TSPAN14: variants seen among roughly 807,000 people sequenced by gnomAD.
TSPAN14 encodes the protein tetraspanin 14.
TSPAN14 carries 16 observed loss-of-function variants against 36.6 expected under a neutral mutation model. The ratio of observed to expected loss-of-function variants is 0.44; its 90% CI spans 0.30 to 0.66. The LOEUF (loss-of-function observed/expected upper bound fraction) is 0.66, where lower values mean the gene tolerates loss of function less well. TSPAN14 is among the 30% of genes least tolerant of loss of function. The probability of loss-of-function intolerance (pLI) is 0.12; values close to 1 mark genes in which losing one functional copy is unlikely to be tolerated. For synonymous variants in TSPAN14, 139 were observed against 143.8 expected, an observed-to-expected ratio of 0.97 and a Z score of 0.24; for missense variants, 231 against 355.1, an observed-to-expected ratio of 0.65 and a Z score of 2.81.
chr10:80,467,100 TC>T (rs1353532174), intron 1 of TSPAN14, among the ~76,000 whole-genome samples: 7 of 152,234 alleles, frequency 4.6e-5, no homozygotes, highest in Admixed American at 3.9e-4. Context: ...TCTTTATATT[TC>T]GGTATCTTAT....
At chr10:80,512,401 C>G in intron 6 of TSPAN14, 132 bp downstream of exon 6, 1 of 1,294,818 alleles carries the variant, frequency 7.7e-7, no homozygotes, top group South Asian at 1.5e-5. Flanking sequence ...TCTCCACACC[C>G]TCCTCAAGGC....
intron 2 of TSPAN14, among the ~76,000 whole-genome samples, chr10:80,498,306 G>A (rs1447412156): frequency 6.6e-6 from 1 of 152,178 alleles, no homozygotes; most frequent in African/African-American, 2.4e-5. Flanking sequence ...GCCAGTGGGA[G>A]GTGCATGGGT....
At chr10:80,481,679 A>G (rs1254846452) in intron 1 of TSPAN14, among the ~76,000 whole-genome samples, 1 of 152,224 alleles carries the variant, frequency 6.6e-6, no homozygotes, top group Non-Finnish European at 1.5e-5. Flanking sequence ...ATTGTAATAC[A>G]AAATGGCGCG....
At chr10:80,481,470 G>T (rs779290474) in intron 1 of TSPAN14, among the ~76,000 whole-genome samples, 21 of 152,120 alleles carry the variant, frequency 1.4e-4, no homozygotes, top group Non-Finnish European at 2.8e-4. Flanking sequence ...TGCTCACTCT[G>T]ATAGCTCACA....
At chr10:80,486,565 T>G (rs1391655311) in intron 1 of TSPAN14, among the ~76,000 whole-genome samples, 1 of 152,098 alleles carries the variant, frequency 6.6e-6, no homozygotes, top group Non-Finnish European at 1.5e-5. Flanking sequence ...TTAAATGAGG[T>G]CAAAGGAGCA....
At chr10:80,505,079 G>A (rs576537208) in intron 3 of TSPAN14, among the ~76,000 whole-genome samples, 1 of 152,336 alleles carries the variant, frequency 6.6e-6, no homozygotes, top group African/African-American at 2.4e-5. Context: ...GACCCTGTCT[G>A]TGCCTCTGGG....
At position 80,521,851 on chromosome 10, in the gene TSPAN14, G is replaced by T. The variant is rs558748360; in HGVS notation, c.*3875G>T. On this transcript the variant is annotated 3_prime_UTR_variant, in exon 9 of 9. Coordinates refer to ENST00000429989, the Ensembl canonical transcript of TSPAN14. ...AGGCAGGGGAATGGTGTGAACCCAG[G>T]AGGCGGAGCTTGCAGTGAGCCGAGA... is the stretch of plus-strand genomic sequence containing the variant. The T allele has an allele frequency of 3.4e-5, 5 of 146,726 alleles. 1 individual carries two copies. The highest frequency in any genetic ancestry group is 2.0e-4 in the Admixed American group (3 of 14,812). The allele number at this position is 146,726 out of a possible 1,614,324, so 9.1% of individuals were successfully genotyped here. A position where few individuals can be genotyped will look rare whatever the true frequency, so the allele number is the denominator to read the frequency against.
chr10:80,489,176 C>T (rs377397063), intron 1 of TSPAN14, 41 bp from the exon 2 acceptor site: 91 of 1,377,060 alleles, frequency 6.6e-5, no homozygotes, highest in Non-Finnish European at 8.6e-5. Flanking sequence ...AAGGTTTTAA[C>T]GCTGAGCCTG....
At chr10:80,488,987 T>C (rs1847775473) in intron 1 of TSPAN14, among the ~76,000 whole-genome samples, 1 of 152,218 alleles carries the variant, frequency 6.6e-6, no homozygotes, top group African/African-American at 2.4e-5. Context: ...AAAAAGCATC[T>C]TTCTTCCTTT....
At position 80,476,662 on chromosome 10, in the gene TSPAN14, G is replaced by A. The variant is rs898097284; in HGVS notation, c.-17-12555G>A. ...GATATCCTGACCTCGTGATCTGCCC[G>A]CCTCGGCCTCCCAAAGTGCTGGGAT... On this transcript the variant is annotated intron_variant, in intron 1 of 8. Coordinates refer to ENST00000429989, the Ensembl canonical transcript of TSPAN14. 9.2e-5 allele frequency among the ~76,000 whole-genome samples: 14 copies of A among 152,044 alleles called. 1 individual carries two copies. In the South Asian group the frequency reaches 2.3e-3, roughly 25 times the overall value.
chr10:80,504,667 G>A (rs2343550), intron 2 of TSPAN14, 61 bp from the exon 3 acceptor site: 331,512 of 1,599,198 alleles, frequency 0.21, 36,730 homozygotes, highest in South Asian at 0.31. Context: ...GCTCTGTGAA[G>A]CATGTTCACA....
At chr10:80,501,270 A>G (rs60619720) in intron 2 of TSPAN14, among the ~76,000 whole-genome samples, 2,474 of 145,486 alleles carry the variant, frequency 0.017, 92 homozygotes, top group East Asian at 0.13. Context: ...TTTTACAGCT[A>G]ATTTTTTTAG....
exon 9 of TSPAN14, chr10:80,521,516 C>T (rs948136269): frequency 6.6e-6 from 1 of 152,282 alleles, no homozygotes; most frequent in African/African-American, 2.4e-5. Flanking sequence ...GGGAACCTGT[C>T]CCCCATGATG....
exon 9 of TSPAN14, chr10:80,518,868 C>T (rs1273917260): frequency 6.5e-6 from 1 of 152,876 alleles, no homozygotes; most frequent in Admixed American, 6.5e-5. Flanking sequence ...TGGAGCCGAC[C>T]CTTTGAGTCC....
chr10:80,479,844 C>T (rs1249077755), intron 1 of TSPAN14, among the ~76,000 whole-genome samples: 1 of 150,310 alleles, frequency 6.7e-6, no homozygotes, highest in Non-Finnish European at 1.5e-5. Context: ...TCATTGGTAG[C>T]TTGATGGGGA....
At chr10:80,462,985 T>C (rs1846059764) in intron 1 of TSPAN14, 1 of 152,216 alleles carries the variant, frequency 6.6e-6, no homozygotes, top group Non-Finnish European at 1.5e-5. Context: ...CTTAGGGTCT[T>C]ACAGATTTAT....
chr10:80,507,203 G>A (rs528695872), intron 3 of TSPAN14, 25 bp from the exon 4 acceptor site: 16 of 1,613,976 alleles, frequency 9.9e-6, no homozygotes, highest in African/African-American at 1.3e-5. Flanking sequence ...GGCCAGTGCT[G>A]CCCTGCTTTC....
chr10:80,505,769 G>A (rs907535861), intron 3 of TSPAN14, among the ~76,000 whole-genome samples: 2 of 152,242 alleles, frequency 1.3e-5, no homozygotes, highest in African/African-American at 4.8e-5. Flanking sequence ...CCCTGGGACT[G>A]CAGCCGCCTA....
At chr10:80,497,368 C>T (rs1035611546) in intron 2 of TSPAN14, among the ~76,000 whole-genome samples, 11 of 152,286 alleles carry the variant, frequency 7.2e-5, no homozygotes, top group South Asian at 2.1e-4. Context: ...GGCTTGCAGG[C>T]CAAACCTGGC....
Sources: gnomAD v4.1 joint callset for allele counts (sites outside exome capture counted in the v4.1 genomes callset) on GRCh38, gnomAD v4.1.1 for gene constraint, MANE v1.5 for transcripts, NCBI Gene and HGNC (gene_info 2026-07-23, HGNC 2026-07-21) for gene names.